EPHB1: variants seen among roughly 807,000 people sequenced by gnomAD.
The protein encoded by EPHB1 is ephrin type-B receptor 1.
EPHB1 carries 30 observed loss-of-function variants against 94.4 expected under a neutral mutation model. That is an observed-to-expected ratio of 0.32 (90% CI 0.24 to 0.43). EPHB1 has a LOEUF of 0.43. Among genes scored for constraint, EPHB1 ranks in the 20% least tolerant of loss-of-function variants. The probability of loss-of-function intolerance (pLI) is 1.00; values close to 1 mark genes in which losing one functional copy is unlikely to be tolerated. For synonymous variants in EPHB1, 522 were observed against 489.1 expected, an observed-to-expected ratio of 1.07 and a Z score of -0.89; for missense variants, 1,055 against 1,308.3, an observed-to-expected ratio of 0.81 and a Z score of 2.99.
intron 11 of EPHB1, among the ~76,000 whole-genome samples, chr3:135,194,355 A>G (rs1371136395): frequency 1.3e-5 from 2 of 152,208 alleles, no homozygotes; most frequent in Non-Finnish European, 2.9e-5. Context: ...AGTTAAGTAC[A>G]GATGTAGTAA....
chr3:134,970,392 T>A (rs1933921098), intron 3 of EPHB1, among the ~76,000 whole-genome samples: 1 of 152,222 alleles, frequency 6.6e-6, no homozygotes, highest in African/African-American at 2.4e-5. Context: ...AAGCCTTTAC[T>A]TGAATATTAT....
intron 4 of EPHB1, among the ~76,000 whole-genome samples, chr3:135,126,232 T>A (rs1285033387): frequency 6.6e-6 from 1 of 152,232 alleles, no homozygotes; most frequent in East Asian, 1.9e-4. Context: ...TTTTCCAAAC[T>A]ACAATCTTGA....
At chr3:135,159,363 A>G (rs1007630714) in intron 6 of EPHB1, among the ~76,000 whole-genome samples, 13 of 152,354 alleles carry the variant, frequency 8.5e-5, no homozygotes, top group African/African-American at 2.9e-4. Flanking sequence ...CCAAATACCA[A>G]TGATGTATTA....
At chr3:135,020,111 T>C (rs1216609701) in intron 3 of EPHB1, among the ~76,000 whole-genome samples, 1 of 152,218 alleles carries the variant, frequency 6.6e-6, no homozygotes, top group African/African-American at 2.4e-5. Context: ...GTTCATTGAT[T>C]TTTTTTCCAG....
rs887465159 is a variant in EPHB1, at chr3:135,044,412, G to A, written c.806-62036G>A. Among the ~76,000 whole-genome samples the A allele has an allele frequency of 3.2e-4, 49 of 152,224 alleles. 2 individuals are homozygous for A. The highest frequency in any genetic ancestry group is 4.4e-5 in the Non-Finnish European group (3 of 68,046). On this transcript the variant is annotated intron_variant, in intron 3 of 15. Coordinates refer to ENST00000398015, the MANE Select transcript of EPHB1 (RefSeq NM_004441.5). ...CAGTATCCAGCCCTCAGCAAGCAGA[G>A]CAATTTCAGCTCTTCTTTGCAGCAC...
At chr3:134,893,437 C>A (rs1368938179) in intron 1 of EPHB1, among the ~76,000 whole-genome samples, 1 of 152,170 alleles carries the variant, frequency 6.6e-6, no homozygotes, top group Non-Finnish European at 1.5e-5. Context: ...CCTGCAAGGT[C>A]CAGCCTGCCT....
At chr3:134,966,381 A>G (rs755916894) in intron 3 of EPHB1, among the ~76,000 whole-genome samples, 2 of 152,190 alleles carry the variant, frequency 1.3e-5, no homozygotes, top group Non-Finnish European at 2.9e-5. Context: ...AATGGCAAAG[A>G]GGGCTTTGTC....
At chr3:135,172,877 A>G (rs1296383182) in intron 9 of EPHB1, among the ~76,000 whole-genome samples, 1 of 152,206 alleles carries the variant, frequency 6.6e-6, no homozygotes, top group Non-Finnish European at 1.5e-5. Flanking sequence ...AAACCGTGTT[A>G]ACTCTTTTGG....
At chr3:135,021,414 C>T (rs1014841884) in intron 3 of EPHB1, among the ~76,000 whole-genome samples, 3 of 151,844 alleles carry the variant, frequency 2.0e-5, no homozygotes, top group South Asian at 2.1e-4. Flanking sequence ...AGGGCCTTCC[C>T]GATGTCTTTG....
At chr3:135,011,051 G>A (rs1935602796) in intron 3 of EPHB1, among the ~76,000 whole-genome samples, 1 of 152,178 alleles carries the variant, frequency 6.6e-6, no homozygotes, top group Non-Finnish European at 1.5e-5. Flanking sequence ...CTGGTGCTCT[G>A]TTCCCTGAAG....
intron 4 of EPHB1, among the ~76,000 whole-genome samples, chr3:135,117,798 G>A (rs1377925448): frequency 6.6e-6 from 1 of 152,264 alleles, no homozygotes; most frequent in African/African-American, 2.4e-5. Flanking sequence ...TCACCTCAGA[G>A]GTTTGCCTTT....
At position 134,862,860 on chromosome 3, in the gene EPHB1, A is replaced by G. The variant is rs182604449; in HGVS notation, c.59-62956A>G. On this transcript the variant is annotated intron_variant, in intron 1 of 15. Coordinates refer to ENST00000398015, the MANE Select transcript of EPHB1 (RefSeq NM_004441.5). ...GGGCTGTCCTTTTGGGGCCCAGTGT[A>G]AGAAAGACTGTACGTCACACACAGG... Among the ~76,000 whole-genome samples the G allele has an allele frequency of 2.8e-3, 423 of 152,308 alleles. 1 individual carries two copies. The highest frequency in any genetic ancestry group is 4.7e-3 in the Non-Finnish European group (319 of 68,022).
At chr3:134,952,151 G>A in intron 3 of EPHB1, 99 bp downstream of exon 3, 2 of 1,270,358 alleles carry the variant, frequency 1.6e-6, no homozygotes, top group Non-Finnish European at 2.2e-6. Flanking sequence ...ACAGAAAATA[G>A]TCTAATGGCT....
intron 1 of EPHB1, among the ~76,000 whole-genome samples, chr3:134,816,139 A>G (rs1273696288): frequency 7.0e-6 from 1 of 141,966 alleles, no homozygotes; most frequent in Admixed American, 7.2e-5. Context: ...CTGGAGTGCA[A>G]TGGTGTGATC....
intron 1 of EPHB1, among the ~76,000 whole-genome samples, chr3:134,918,026 C>T (rs1427297730): frequency 2.0e-5 from 3 of 152,174 alleles, no homozygotes; most frequent in Non-Finnish European, 2.9e-5. Flanking sequence ...GGGTTTGAAC[C>T]CAGATCTTCA....
intron 5 of EPHB1, among the ~76,000 whole-genome samples, chr3:135,144,519 C>A (rs1401986357): frequency 6.6e-6 from 1 of 152,128 alleles, no homozygotes; most frequent in African/African-American, 2.4e-5. Flanking sequence ...CTTACAGGGT[C>A]AGATATATGA....
chr3:135,123,426 T>C (rs1362325826), intron 4 of EPHB1, among the ~76,000 whole-genome samples: 1 of 152,182 alleles, frequency 6.6e-6, no homozygotes, highest in Non-Finnish European at 1.5e-5. Flanking sequence ...CTTTCTTGGT[T>C]CCAAAGACAA....
chr3:134,980,876 C>T (rs1034237783), intron 3 of EPHB1, among the ~76,000 whole-genome samples: 10 of 152,312 alleles, frequency 6.6e-5, no homozygotes, highest in African/African-American at 2.4e-4. Context: ...ACAATATTTC[C>T]TCTGCCACAA....
At chr3:135,072,674 T>G (rs1576362562) in intron 3 of EPHB1, among the ~76,000 whole-genome samples, 2 of 152,350 alleles carry the variant, frequency 1.3e-5, no homozygotes. Flanking sequence ...TATTTCCTGA[T>G]TCTTTTTGTG....
Sources: gnomAD v4.1 joint callset for allele counts (sites outside exome capture counted in the v4.1 genomes callset) on GRCh38, gnomAD v4.1.1 for gene constraint, MANE v1.5 for transcripts, NCBI Gene and HGNC (gene_info 2026-07-23, HGNC 2026-07-21) for gene names.